MAN2A2: variants seen among roughly 807,000 people sequenced by gnomAD.
MAN2A2 encodes the protein alpha-mannosidase 2x.
Under a neutral mutation model 126.8 loss-of-function variants are expected in MAN2A2, and 79 were observed. The observed-to-expected ratio is 0.62, with a 90% CI of 0.52 to 0.75. The LOEUF is 0.75. Among genes scored for constraint, MAN2A2 ranks in the 30% least tolerant of loss-of-function variants. The probability of loss-of-function intolerance (pLI) is 0.00; values close to 1 mark genes in which losing one functional copy is unlikely to be tolerated. For missense variants in MAN2A2, 1,392 were observed against 1,522.4 expected (o/e 0.91, Z 1.43); for synonymous variants, 671 against 618.7 (o/e 1.08, Z -1.25).
rs749023505 is a variant in MAN2A2, at chr15:90,904,310, C to G, written c.103C>G (p.Arg35Gly). The change falls in exon 2 of 23, where the codon CGA becomes GGA. Residue 35 changes from arginine (R) to glycine (G), a missense_variant. Coordinates refer to ENST00000559717, the MANE Select transcript of MAN2A2 (RefSeq NM_006122.4). ...MLDRVQHDPT[R>G]HQNGGNFPRS... is the part of the protein sequence containing the mutation. ...GGACCGAGTGCAACACGATCCCACC[C>G]GACACCAGAATGGTGGGAACTTCCC... 1.9e-6 allele frequency: 3 copies of G among 1,614,104 alleles called. No homozygotes were observed. The highest frequency in any genetic ancestry group is 2.2e-5 in the South Asian group (2 of 91,086).
In MAN2A2 at chr15:90,905,400, C is replaced by G; in HGVS notation, c.282C>G (p.Val94=). 1 of 1,613,944 alleles carries G rather than the reference C, an allele frequency of 6.2e-7. No individual in the cohort carries two copies. Among genetic ancestry groups the G allele is most frequent in the Non-Finnish European group, 8.5e-7 (1 of 1,180,036 alleles). Residue 94 remains valine, a synonymous_variant, in exon 3 of 23, where the codon GTC becomes GTG. Transcript: ENST00000559717. Reference sequence around the variant, plus strand: ...CCGCCATGCTGCCCTACTACACGGTCAATGGCTCCTGGGTGGTGCCACCGG... The same window carrying G: ...CCGCCATGCTGCCCTACTACACGGTGAATGGCTCCTGGGTGGTGCCACCGG... ...GPPAMLPYYT[V]NGSWVVPPEP...
At position 90,912,059 on chromosome 15, in the gene MAN2A2, G is replaced by A. The variant is rs776657001; in HGVS notation, c.2126G>A (p.Arg709His). 5.0e-6 allele frequency: 8 copies of A among 1,611,068 alleles called. No individual in the cohort carries two copies. The highest frequency in any genetic ancestry group is 5.1e-6 in the Non-Finnish European group (6 of 1,179,492). ...PDVYQVSVPV[R>H]LPALGLGVLQ... ...TGCCCACAGGTGTCTGTGCCTGTCC[G>A]CCTGCCAGCCCTGGGCCTGGGCGTG... Residue 709 changes from arginine (R) to histidine (H), a missense_variant, in exon 15 of 23, where the codon CGC (arginine) becomes CAC (histidine). Physicochemically the swap from Arg to His is conservative, Grantham distance 29. Coordinates refer to ENST00000559717, the MANE Select transcript of MAN2A2 (RefSeq NM_006122.4).
At chr15:90,903,464 G>C (rs2034000682) in intron 1 of MAN2A2, 32 bp downstream of exon 1, 1 of 153,312 alleles carries the variant, frequency 6.5e-6, no homozygotes, top group South Asian at 2.0e-4. Flanking sequence ...TGGCGGCGGG[G>C]GGCACGGGTC....
Position 90,905,273 on chromosome 15 carries a change from A to T in MAN2A2, c.155A>T (p.Asn52Ile), listed in dbSNP as rs765947156. 2 of 1,613,294 alleles carry T rather than the reference A, an allele frequency of 1.2e-6. No individual in the cohort carries two copies. The highest frequency in any genetic ancestry group is 3.3e-5 in the Admixed American group (2 of 60,020). ...FPRSQISVLQ[N>I]RIEQLEQLLE... ...CAGAGCCAAATTTCTGTGCTGCAGA[A>T]CCGCATTGAGCAGCTGGAGCAGCTT... Residue 52 changes from asparagine to isoleucine, a missense_variant, in exon 3 of 23, where the codon AAC (asparagine) becomes ATC (isoleucine). By Grantham distance (149) the Asn-to-Ile change is moderately radical (BLOSUM62 -3). Transcript: ENST00000559717.
Position 90,907,445 on chromosome 15 carries a change from C to T in MAN2A2, c.1146C>T (p.Cys382=). Residue 382 remains cysteine (C), a synonymous_variant, in exon 8 of 23, where the codon TGC becomes TGT. Transcript: ENST00000559717. ...GCCTGCCTGGTGGGCGCATCAACTGCCCTTGGAAGGTGCCACCCCGGGCCA... is the reference window on the plus strand; with the variant it reads ...GCCTGCCTGGTGGGCGCATCAACTGTCCTTGGAAGGTGCCACCCCGGGCCA... The part of the protein sequence containing the change: ...FKRLPGGRIN[C]PWKVPPRAIT... 6.2e-7 allele frequency: 1 copy of T among 1,613,876 alleles called. No homozygotes were observed. The highest frequency in any genetic ancestry group is 8.5e-7 in the Non-Finnish European group (1 of 1,180,040).
At position 90,906,747 on chromosome 15, in the gene MAN2A2, C is replaced by T. The variant is rs749536282; in HGVS notation, c.843C>T (p.Thr281=). ...CTTCCATGCCCTGCCCAGGTGCAACCCCCCGCTCTGGCTGGGCAGTGGACC... is the reference window on the plus strand; with the variant it reads ...CTTCCATGCCCTGCCCAGGTGCAACTCCCCGCTCTGGCTGGGCAGTGGACC... ...HQWLERNLGA[T]PRSGWAVDPF... The change falls in exon 7 of 23, where the codon ACC becomes ACT. Residue 281 remains threonine, a synonymous_variant. Coordinates refer to ENST00000559717, the MANE Select transcript of MAN2A2 (RefSeq NM_006122.4). 13 of 1,611,854 alleles carry T rather than the reference C, an allele frequency of 8.1e-6. No individual in the cohort carries two copies. The East Asian group carries it at 1.1e-4, about 14-fold the overall frequency.
At position 90,907,579 on chromosome 15, in the gene MAN2A2, C is replaced by T. The variant is rs1196947279; in HGVS notation, c.1196+84C>T. The T allele has an allele frequency of 9.4e-6, 13 of 1,379,618 alleles. No individual in the cohort carries two copies. The Admixed American group carries it at 2.7e-4, about 28-fold the overall frequency. The allele number at this position is 1,379,618 out of a possible 1,614,324, so 85.5% of individuals were successfully genotyped here. A position where few individuals can be genotyped will look rare whatever the true frequency, so the allele number is the denominator to read the frequency against. On this transcript the variant is annotated intron_variant, in intron 8 of 22. Transcript: ENST00000559717. The stretch of plus-strand genomic sequence containing the variant: ...GGCCGTGCCACGTGGAGGGTGGGCT[C>T]AGGTGGTGAGTTGAGGCTCCTAGCC...
intron 7 of MAN2A2, 55 bp from the exon 8 acceptor site, chr15:90,907,254 C>T (rs1165067112): frequency 3.9e-6 from 6 of 1,551,078 alleles, no homozygotes; most frequent in Non-Finnish European, 4.4e-6. Context: ...ATCCTTGCCC[C>T]CCTGGCGTCC....
In MAN2A2 at chr15:90,912,575, C is replaced by A; in HGVS notation, c.2380C>A (p.Gln794Lys). The A allele has an allele frequency of 6.2e-7, 1 of 1,614,136 alleles. No individual in the cohort carries two copies. The highest frequency in any genetic ancestry group is 8.5e-7 in the Non-Finnish European group (1 of 1,180,006). ...IRRVDEEHEQ[Q>K]VDMQVLVYGT... is the part of the protein sequence containing the mutation. ...AAGGGTGGATGAGGAGCACGAGCAG[C>A]AGGTGGACATGCAGGTCCTTGTCTA... The change falls in exon 16 of 23, where the codon CAG becomes AAG. Residue 794 changes from glutamine to lysine, a missense_variant. Coordinates refer to ENST00000559717, the MANE Select transcript of MAN2A2 (RefSeq NM_006122.4).
chr15:90,906,252 T>C (rs923442437), intron 5 of MAN2A2, 118 bp from the exon 6 acceptor site: 42 of 1,411,778 alleles, frequency 3.0e-5, no homozygotes, highest in Non-Finnish European at 3.9e-5. Flanking sequence ...GTTCTCTTGG[T>C]CCTGGGATTG....
At position 90,906,839 on chromosome 15, in the gene MAN2A2, A is replaced by G; in HGVS notation, c.935A>G (p.Gln312Arg). Reference protein sequence around the residue: ...RRANLTSMLIQRVHYAIKKHF... With the variant: ...RRANLTSMLIRRVHYAIKKHF... The stretch of plus-strand genomic sequence containing the variant: ...GCCAACCTCACCAGCATGCTGATTC[A>G]GAGAGTGCACTATGCCATCAAGAAG... The change falls in exon 7 of 23, where the codon CAG becomes CGG. Residue 312 changes from glutamine to arginine, a missense_variant. By Grantham distance (43) the Gln-to-Arg change is conservative. Coordinates refer to ENST00000559717, the MANE Select transcript of MAN2A2 (RefSeq NM_006122.4). 6.2e-7 allele frequency: 1 copy of G among 1,614,104 alleles called. No homozygotes were observed. Among genetic ancestry groups the G allele is most frequent in the Non-Finnish European group, 8.5e-7 (1 of 1,179,998 alleles).
intron 19 of MAN2A2, among the ~76,000 whole-genome samples, chr15:90,914,104 C>T (rs575620847): frequency 4.1e-4 from 62 of 152,284 alleles, no homozygotes; most frequent in African/African-American, 1.3e-3. Flanking sequence ...TGTTGGGAGG[C>T]CAAGGCAGAA....
chr15:90,911,178 C>G lies in MAN2A2; in HGVS notation c.1883C>G (p.Thr628Ser), dbSNP rs779210302. ...CGGCTCACTGAATTCCAGGATGACA[C>G]TCGCTTAAGTCACGACGCCCTCCCA... Reference protein sequence around the residue: ...PEAPFLQVDDTRLSHDALPER... With the variant: ...PEAPFLQVDDSRLSHDALPER... The change falls in exon 13 of 23, where the codon ACT (threonine) becomes AGT (serine). Residue 628 changes from threonine to serine, a missense_variant. Coordinates refer to ENST00000559717, the MANE Select transcript of MAN2A2 (RefSeq NM_006122.4). 1.1e-5 allele frequency: 17 copies of G among 1,613,944 alleles called. No homozygotes were observed. The highest frequency in any genetic ancestry group is 9.3e-6 in the Non-Finnish European group (11 of 1,180,002).
chr15:90,916,708 C>T (rs554224043), intron 20 of MAN2A2: 1 of 1,266,302 alleles, frequency 7.9e-7, no homozygotes, highest in Admixed American at 2.3e-5. Flanking sequence ...CAAGGTGTAG[C>T]TGCGCCAGAG....
At position 90,916,239 on chromosome 15, in the gene MAN2A2, C is replaced by T. The variant is rs763129724; in HGVS notation, c.2977C>T (p.Arg993Ter). The T allele has an allele frequency of 1.7e-5, 27 of 1,613,848 alleles. No individual in the cohort carries two copies. Among genetic ancestry groups the T allele is most frequent in the Non-Finnish European group, 2.2e-5 (26 of 1,179,936 alleles). The change falls in exon 20 of 23, where the codon CGA (arginine) becomes TGA (stop). Residue 993 changes from arginine (R) to a stop codon, truncating the protein, a stop_gained. Coordinates refer to ENST00000559717, the MANE Select transcript of MAN2A2 (RefSeq NM_006122.4). LOFTEE classifies it high-confidence loss of function. The stretch of plus-strand genomic sequence containing the variant: ...CCGTTTCCGCCTCCTGCTAGAGCGG[C>T]GAACCGTGGGCAGTGAGGTAACATC... ...CNRFRLLLER[R>*]TVGSEVQDSH...
rs994025127 is a variant in MAN2A2 at position 90,919,883 on chromosome 15, G to A, written c.*96G>A. ...CCACACGGGTATCCCATCCCGATCT[G>A]CCTCCCAGAACTGTGACACACTGGG... On this transcript the variant is annotated 3_prime_UTR_variant, in exon 23 of 23. Transcript: ENST00000559717. 2 of 1,433,012 alleles carry A rather than the reference G, an allele frequency of 1.4e-6. No individual in the cohort carries two copies. The highest frequency in any genetic ancestry group is 2.3e-5 in the East Asian group (1 of 43,336). The allele number at this position is 1,433,012 out of a possible 1,614,324, so 88.8% of individuals were successfully genotyped here. A position where few individuals can be genotyped will look rare whatever the true frequency, so the allele number is the denominator to read the frequency against.
chr15:90,903,891 C>G, intron 1 of MAN2A2: 2 of 421,692 alleles, frequency 4.7e-6, no homozygotes, highest in Non-Finnish European at 8.9e-6. Context: ...CACCTCCTAT[C>G]TAGGCAGGGA....
chr15:90,907,135 G>A (rs867474436), intron 7 of MAN2A2, 174 bp from the exon 8 acceptor site: 62 of 816,378 alleles, frequency 7.6e-5, no homozygotes, highest in African/African-American at 1.2e-4. Context: ...CTGTGTGCCC[G>A]TCCCCTGAGG....
At position 90,910,896 on chromosome 15, in the gene MAN2A2, C is replaced by A. The variant is rs762288880; in HGVS notation, c.1810C>A (p.His604Asn). The change falls in exon 12 of 23, where the codon CAC (histidine) becomes AAC (asparagine). Residue 604 changes from histidine (H) to asparagine (N), a missense_variant. Transcript: ENST00000559717. Reference protein sequence around the residue: ...NLKQVIIHAAHYLVLGDKETY... With the variant: ...NLKQVIIHAANYLVLGDKETY... ...GAAGCAGGTCATCATTCATGCAGCCCACTATCTGGTGCTGGGGGACAAGGA... is the reference window on the plus strand; with the variant it reads ...GAAGCAGGTCATCATTCATGCAGCCAACTATCTGGTGCTGGGGGACAAGGA... The A allele has an allele frequency of 3.7e-6, 6 of 1,614,082 alleles. No individual in the cohort carries two copies. The African/African-American group carries it at 8.0e-5, about 22-fold the overall frequency.
Sources: allele counts gnomAD v4.1 joint callset (sites outside exome capture counted in the v4.1 genomes callset), GRCh38; gene constraint gnomAD v4.1.1; transcripts MANE v1.5; gene names NCBI Gene and HGNC (gene_info 2026-07-23, HGNC 2026-07-21).